The following ADGRG7 variants were observed in gnomAD, a reference collection of about 807,000 sequenced individuals.
ADGRG7 encodes G-protein coupled receptor 128.
A neutral mutation model predicts 88.6 loss-of-function variants in ADGRG7; 82 were observed. The observed-to-expected ratio is 0.93, with a 90% CI of 0.77 to 1.11. The LOEUF (loss-of-function observed/expected upper bound fraction) is 1.11, where lower values mean the gene tolerates loss of function less well. Among genes scored for constraint, ADGRG7 ranks in the 50% most tolerant of loss-of-function variants. The pLI is 0.00. For missense variants in ADGRG7, 945 were observed against 953.4 expected, an observed-to-expected ratio of 0.99 and a Z score of 0.12; for synonymous variants, 381 against 345.2, an observed-to-expected ratio of 1.10 and a Z score of -1.15.
intron 1 of ADGRG7, among the ~76,000 whole-genome samples, chr3:100,625,471 T>C (rs925740808): frequency 1.3e-5 from 2 of 152,188 alleles, no homozygotes; most frequent in Non-Finnish European, 2.9e-5. Flanking sequence ...TAGAATCATG[T>C]TGTTTGCAAA....
intron 8 of ADGRG7, among the ~76,000 whole-genome samples, chr3:100,644,157 T>C (rs1223126459): frequency 6.7e-6 from 1 of 149,794 alleles, no homozygotes; most frequent in Non-Finnish European, 1.5e-5. Context: ...TTCTTACACG[T>C]AACTTGAAGT....
rs770363151 is a variant in ADGRG7, at chr3:100,649,707, G to A, written c.1279G>A (p.Asp427Asn). 1.9e-6 allele frequency: 3 copies of A among 1,591,566 alleles called. No homozygotes were observed. Among genetic ancestry groups the A allele is most frequent in the Non-Finnish European group, 2.6e-6 (3 of 1,161,094 alleles). The change falls in exon 11 of 16, where the codon GAT becomes AAT. Residue 427 changes from aspartate (D) to asparagine (N), a missense_variant. By Grantham distance (23) the Asp-to-Asn change is conservative. Coordinates refer to ENST00000273352, the MANE Select transcript of ADGRG7 (RefSeq NM_032787.3). ...CCTTGTTTTTCAGACTTTCAAAAAG[G>A]ATTATCAATATCCCAAATCACTTGA... The part of the protein sequence containing the change: ...NFAVLMTFKK[D>N]YQYPKSLDIL...
intron 8 of ADGRG7, 36 bp downstream of exon 8, chr3:100,643,669 A>G (rs1410433232): frequency 7.3e-7 from 1 of 1,375,460 alleles, no homozygotes; most frequent in African/African-American, 1.4e-5. Flanking sequence ...AAAAAAATGG[A>G]CTCGAATTCA....
At chr3:100,669,956 T>C (rs2094956374) in intron 15 of ADGRG7, among the ~76,000 whole-genome samples, 1 of 151,990 alleles carries the variant, frequency 6.6e-6, no homozygotes, top group Non-Finnish European at 1.5e-5. Flanking sequence ...GGGAATTGCT[T>C]GAACCAGGGA....
rs2094979433 is a variant in ADGRG7 at position 100,684,786 on chromosome 3, T to C, written c.2137-9958T>C. Among the ~76,000 whole-genome samples, 4 of 152,168 alleles carry C rather than the reference T, an allele frequency of 2.6e-5. No homozygotes were observed. The South Asian group carries it at 8.3e-4, about 32-fold the overall frequency. ...ATTCTATTTTAAATTCTACTAATTA[T>C]AATCTTTATTAAATATTACTACAAC... On this transcript the variant is annotated intron_variant, in intron 15 of 15. Transcript: ENST00000273352.
chr3:100,629,575 T>C, intron 1 of ADGRG7, 23 bp from the exon 2 acceptor site: 1 of 1,533,628 alleles, frequency 6.5e-7, no homozygotes, highest in Non-Finnish European at 9.0e-7. Flanking sequence ...TCATGACTAT[T>C]CTGTTATTTA....
At chr3:100,615,983 T>C (rs1349002217) in intron 1 of ADGRG7, among the ~76,000 whole-genome samples, 1 of 152,064 alleles carries the variant, frequency 6.6e-6, no homozygotes, top group Non-Finnish European at 1.5e-5. Flanking sequence ...AATAACACTA[T>C]CATCTGTTCA....
chr3:100,646,519 C>T (rs757211468), intron 9 of ADGRG7, 50 bp from the exon 10 acceptor site: 5 of 1,463,060 alleles, frequency 3.4e-6, no homozygotes, highest in African/African-American at 1.4e-5. Context: ...TTTTTTTAAC[C>T]CAATTAAGTA....
At chr3:100,620,833 G>GT (rs1297824111) in intron 1 of ADGRG7, among the ~76,000 whole-genome samples, 2,668 of 79,684 alleles carry the variant, frequency 0.033, 67 homozygotes, top group African/African-American at 0.093. Flanking sequence ...TAGGTATTAT[G>GT]TTTTTTTTTT....
intron 6 of ADGRG7, among the ~76,000 whole-genome samples, chr3:100,638,408 C>T (rs1707582604): frequency 1.3e-5 from 2 of 152,202 alleles, no homozygotes; most frequent in Admixed American, 1.3e-4. Context: ...TTGCCTCTCA[C>T]TGTCTCTGAA....
At chr3:100,681,495 G>C (rs2094973330) in intron 15 of ADGRG7, among the ~76,000 whole-genome samples, 1 of 151,832 alleles carries the variant, frequency 6.6e-6, no homozygotes. Context: ...ATTTTCAGTA[G>C]AGACAGGGTT....
chr3:100,671,503 G>T (rs115485122), intron 15 of ADGRG7, among the ~76,000 whole-genome samples: 1,844 of 152,234 alleles, frequency 0.012, 38 homozygotes, highest in African/African-American at 0.043. Flanking sequence ...TCTGTAGGTT[G>T]CTGCCTGTTC....
intron 1 of ADGRG7, among the ~76,000 whole-genome samples, chr3:100,622,888 T>C (rs1033744436): frequency 1.3e-5 from 2 of 151,752 alleles, no homozygotes; most frequent in Admixed American, 6.6e-5. Context: ...CAGCTGGGAC[T>C]ACAGGCATGC....
intron 15 of ADGRG7, among the ~76,000 whole-genome samples, chr3:100,680,393 AC>A (rs1489028591): frequency 6.6e-6 from 1 of 152,126 alleles, no homozygotes; most frequent in Non-Finnish European, 1.5e-5. Flanking sequence ...TACAAGTCTT[AC>A]GTTTTTATCC....
At chr3:100,658,944 GAATT>G (rs2094941126) in intron 13 of ADGRG7, among the ~76,000 whole-genome samples, 1 of 150,394 alleles carries the variant, frequency 6.6e-6, no homozygotes, top group Non-Finnish European at 1.5e-5. Flanking sequence ...TTTATTAAAT[GAATT>G]AATTAATTCT....
intron 15 of ADGRG7, among the ~76,000 whole-genome samples, chr3:100,681,617 G>A (rs1051631775): frequency 6.6e-6 from 1 of 152,094 alleles, no homozygotes; most frequent in Non-Finnish European, 1.5e-5. Context: ...GACATTGAAA[G>A]ACATCTTGAA....
intron 5 of ADGRG7, 49 bp downstream of exon 5, chr3:100,635,875 G>A: frequency 2.2e-6 from 3 of 1,380,256 alleles, no homozygotes; most frequent in South Asian, 1.3e-5. Flanking sequence ...TTTTTAGAGG[G>A]GGTGTTGGGA....
chr3:100,693,768 C>CA (rs1352370159), intron 15 of ADGRG7, among the ~76,000 whole-genome samples: 1 of 152,114 alleles, frequency 6.6e-6, no homozygotes, highest in Non-Finnish European at 1.5e-5. Context: ...CTTATACAGC[C>CA]ATAGTATACT....
intron 1 of ADGRG7, among the ~76,000 whole-genome samples, chr3:100,619,325 T>A (rs1707274564): frequency 6.6e-6 from 1 of 152,060 alleles, no homozygotes; most frequent in Non-Finnish European, 1.5e-5. Context: ...AATAATGAAA[T>A]GAAGGCAGAA....
Sources: allele counts gnomAD v4.1 joint callset (sites outside exome capture counted in the v4.1 genomes callset), GRCh38; gene constraint gnomAD v4.1.1; transcripts MANE v1.5; gene names NCBI Gene and HGNC (gene_info 2026-07-23, HGNC 2026-07-21).